SGTA: variants seen among roughly 807,000 people sequenced by gnomAD.
SGTA encodes small glutamine-rich tetratricopeptide repeat-containing protein alpha.
A neutral mutation model predicts 44.3 loss-of-function variants in SGTA; 22 were observed. The observed-to-expected ratio is 0.50, with a 90% CI of 0.36 to 0.71. The LOEUF (loss-of-function observed/expected upper bound fraction) is 0.71, where lower values mean the gene tolerates loss of function less well. SGTA is among the 30% of genes least tolerant of loss of function. The pLI is 0.00. For missense variants in SGTA, 341 were observed against 435.9 expected, an observed-to-expected ratio of 0.78 and a Z score of 1.94; for synonymous variants, 174 against 177.6, an observed-to-expected ratio of 0.98 and a Z score of 0.16.
At chr19:2,778,925 G>A (rs1360129350) in intron 1 of SGTA, among the ~76,000 whole-genome samples, 3 of 152,196 alleles carry the variant, frequency 2.0e-5, no homozygotes, top group South Asian at 2.1e-4. Flanking sequence ...GTGTGAGCAG[G>A]AGCAAGCTCA....
At chr19:2,771,670 C>T (rs1376453922) in intron 1 of SGTA, among the ~76,000 whole-genome samples, 1 of 151,986 alleles carries the variant, frequency 6.6e-6, no homozygotes, top group Non-Finnish European at 1.5e-5. Flanking sequence ...GTGCACCCTC[C>T]GTGTCCAGAT....
At chr19:2,777,027 C>T (rs1915459033) in intron 1 of SGTA, among the ~76,000 whole-genome samples, 1 of 151,790 alleles carries the variant, frequency 6.6e-6, no homozygotes, top group Non-Finnish European at 1.5e-5. Context: ...CTTTGGGAAG[C>T]CGAGGCAGGC....
At chr19:2,778,487 C>T (rs1233862719) in intron 1 of SGTA, among the ~76,000 whole-genome samples, 1 of 146,946 alleles carries the variant, frequency 6.8e-6, no homozygotes, top group African/African-American at 2.5e-5. Flanking sequence ...GCTTTCCCTC[C>T]TGGAACACCG....
At position 2,762,721 on chromosome 19, in the gene SGTA, C is replaced by T. The variant is rs368307940; in HGVS notation, c.498-77G>A. ...GCCCCGCCAAAGCCCTCGTCCCCGG[C>T]GGTCCTGGCAACCCCCAAACCACCT... On this transcript the variant is annotated intron_variant, in intron 6 of 11. Transcript: ENST00000221566. 5.1e-6 allele frequency: 8 copies of T among 1,563,776 alleles called. No homozygotes were observed. The South Asian group carries it at 6.9e-5, about 13-fold the overall frequency.
rs1407538874 is a variant in SGTA, at chr19:2,763,789, C to T, written c.393-32G>A. On this transcript the variant is annotated intron_variant, in intron 5 of 11. Coordinates refer to ENST00000221566, the MANE Select transcript of SGTA (RefSeq NM_003021.4). This position sits in a 1 kb window ranked among gnomAD's most constrained non-coding sequence, Gnocchi z 5.8. ...AAGAAAAGGCAGGGCAGGTCCCTCA[C>T]TGGCGGCTCTGAGCCCAGCGGGCAG... The T allele has an allele frequency of 1.9e-6, 3 of 1,583,040 alleles. No individual in the cohort carries two copies. The highest frequency in any genetic ancestry group is 3.4e-5 in the Admixed American group (2 of 58,602).
At chr19:2,779,660 T>C (rs947206653) in intron 1 of SGTA, among the ~76,000 whole-genome samples, 70 of 152,376 alleles carry the variant, frequency 4.6e-4, no homozygotes, top group African/African-American at 1.6e-3. Flanking sequence ...GGGAGGGTGC[T>C]GGCCCATGGG....
At chr19:2,774,116 G>C (rs1237106140) in intron 1 of SGTA, among the ~76,000 whole-genome samples, 1 of 152,238 alleles carries the variant, frequency 6.6e-6, no homozygotes, top group Non-Finnish European at 1.5e-5. Flanking sequence ...GATGAACTCT[G>C]TTTCAGCTGC....
chr19:2,769,357 G>A (rs1239037511), intron 1 of SGTA, among the ~76,000 whole-genome samples: 1 of 152,166 alleles, frequency 6.6e-6, no homozygotes, highest in African/African-American at 2.4e-5. Context: ...CGTGCTCCCA[G>A]GGCCTCCTGA....
chr19:2,780,796 G>C (rs1915556470), intron 1 of SGTA, among the ~76,000 whole-genome samples: 1 of 152,216 alleles, frequency 6.6e-6, no homozygotes, highest in Non-Finnish European at 1.5e-5. Context: ...CTCAGTAAAA[G>C]AGAAAACGGG....
intron 1 of SGTA, among the ~76,000 whole-genome samples, chr19:2,774,690 A>G (rs1418408230): frequency 6.6e-6 from 1 of 152,094 alleles, no homozygotes; most frequent in Non-Finnish European, 1.5e-5. Flanking sequence ...ATACCTGCCC[A>G]TGAACATTGG....
chr19:2,760,684 G>A (rs1914964191), intron 8 of SGTA, among the ~76,000 whole-genome samples: 1 of 152,162 alleles, frequency 6.6e-6, no homozygotes, highest in Non-Finnish European at 1.5e-5. Flanking sequence ...ATCCCATGGT[G>A]AGGGAGAACA....
rs1272411564 is a variant in SGTA at position 2,761,696 on chromosome 19, GCA to G, written c.637-176_637-175del. 1.3e-5 allele frequency among the ~76,000 whole-genome samples: 2 copies of G among 151,962 alleles called. No homozygotes were observed. The highest frequency in any genetic ancestry group is 2.9e-5 in the Non-Finnish European group (2 of 67,992). On this transcript the variant is annotated intron_variant, in intron 7 of 11. Coordinates refer to ENST00000221566, the MANE Select transcript of SGTA (RefSeq NM_003021.4). This position sits in a 1 kb window ranked among gnomAD's most constrained non-coding sequence, Gnocchi z 5.7. ...AGCACATCGCAACCGCCCGGGGACG[GCA>G]CAGTCTGTCATCCCGTGTTTATTCC...
chr19:2,771,270 C>A (rs1227820522), intron 1 of SGTA, among the ~76,000 whole-genome samples: 2 of 152,070 alleles, frequency 1.3e-5, no homozygotes, highest in Non-Finnish European at 2.9e-5. Context: ...ACTAAAAATA[C>A]AAAAATTAGC....
Position 2,761,313 on chromosome 19 carries a change from C to T in SGTA, c.699+147G>A. On this transcript the variant is annotated intron_variant, in intron 8 of 11. Coordinates refer to ENST00000221566, the MANE Select transcript of SGTA (RefSeq NM_003021.4). The surrounding 1 kb of genome is among the most constrained non-coding windows in gnomAD (Gnocchi z 5.7). ...GGGTGCTGCCAGCGCCCTGCGGTGC[C>T]CAGGACGACCCCACAGACAAGACCC... is the stretch of plus-strand genomic sequence containing the variant. The T allele has an allele frequency of 1.3e-6, 1 of 755,142 alleles. No individual in the cohort carries two copies. Among genetic ancestry groups the T allele is most frequent in the Non-Finnish European group, 2.2e-6 (1 of 453,616 alleles). 46.8% of individuals were successfully genotyped at this position (755,142 alleles called of 1,614,324 possible).
rs375407306 is a variant in SGTA at position 2,774,166 on chromosome 19, G to A, written c.-23-5075C>T. ...TCTGTCACCGCGGCCCCAGCAAACC[G>A]ACACTAACACCTGGCAAGCAGGCAT... On this transcript the variant is annotated intron_variant, in intron 1 of 11. Coordinates refer to ENST00000221566, the MANE Select transcript of SGTA (RefSeq NM_003021.4). Among the ~76,000 whole-genome samples the A allele has an allele frequency of 5.3e-5, 8 of 152,300 alleles. No homozygotes were observed. The South Asian group carries it at 8.3e-4, about 16-fold the overall frequency.
chr19:2,760,550 A>G lies in SGTA; in HGVS notation c.699+910T>C, dbSNP rs1914959924. ...AAAAAAAAAAAAAAAACCAAAAAAA[A>G]CTTTATTAACAAAACCCAGCGGCGG... On this transcript the variant is annotated intron_variant, in intron 8 of 11. Transcript: ENST00000221566. 2.0e-5 allele frequency among the ~76,000 whole-genome samples: 3 copies of G among 151,208 alleles called. No homozygotes were observed. In the South Asian group the frequency reaches 6.3e-4, roughly 32 times the overall value.
At chr19:2,768,348 C>T (rs544455621) in intron 2 of SGTA, among the ~76,000 whole-genome samples, 1 of 152,316 alleles carries the variant, frequency 6.6e-6, no homozygotes, top group East Asian at 1.9e-4. Context: ...GGGCACATCC[C>T]TACAGCTGTC....
At chr19:2,757,917 C>T (rs1031040068) in intron 9 of SGTA, 135 bp from the exon 10 acceptor site, 1 of 573,154 alleles carries the variant, frequency 1.7e-6, no homozygotes, top group East Asian at 3.1e-5. Flanking sequence ...TCTCTCACCA[C>T]CTGGTGGGCC....
At chr19:2,781,614 A>C (rs550360359) in intron 1 of SGTA, among the ~76,000 whole-genome samples, 1 of 152,172 alleles carries the variant, frequency 6.6e-6, no homozygotes, top group Non-Finnish European at 1.5e-5. Context: ...CCCATTCCAC[A>C]GAAGAAAAAC....
Sources: gnomAD v4.1 joint callset for allele counts (sites outside exome capture counted in the v4.1 genomes callset) on GRCh38, gnomAD v4.1.1 for gene constraint, Gnocchi (gnomAD v3.1) non-coding constraint, MANE v1.5 for transcripts, NCBI Gene and HGNC (gene_info 2026-07-23, HGNC 2026-07-21) for gene names.